The following RNF145 variants were observed in gnomAD, a reference collection of about 807,000 sequenced individuals.
RNF145 encodes ring finger protein 145.
A neutral mutation model predicts 57.3 loss-of-function variants in RNF145; 12 were observed. The ratio of observed to expected loss-of-function variants is 0.21; its 90% CI spans 0.13 to 0.34. The LOEUF (loss-of-function observed/expected upper bound fraction) is 0.34. Ranked by LOEUF, RNF145 falls within the 10% of genes least tolerant of loss-of-function variation. The pLI is 1.00. For synonymous variants in RNF145, 262 were observed against 288.3 expected (o/e 0.91, Z 0.92); for missense variants, 429 against 799.0 (o/e 0.54, Z 5.58).
At chr5:159,163,414 G>A (rs1028108861) in intron 8 of RNF145, among the ~76,000 whole-genome samples, 14 of 152,206 alleles carry the variant, frequency 9.2e-5, no homozygotes, top group Non-Finnish European at 2.9e-5. Context: ...TTAAGACAGG[G>A]AGGGAGTATT....
chr5:159,208,103 C>G (rs531834329), intron 1 of RNF145: 1 of 1,448,616 alleles, frequency 6.9e-7, no homozygotes, highest in Non-Finnish European at 9.0e-7. Flanking sequence ...CTGCACAGGC[C>G]CCTTCCTCTC....
At chr5:159,165,496 A>C (rs1784361828) in intron 8 of RNF145, among the ~76,000 whole-genome samples, 1 of 14,232 alleles carries the variant, frequency 7.0e-5, no homozygotes, top group African/African-American at 1.4e-3. Flanking sequence ...TCCCGGCTAA[A>C]ACGGTGAAAC....
chr5:159,188,867 T>C (rs938505635), intron 3 of RNF145, among the ~76,000 whole-genome samples: 4 of 152,198 alleles, frequency 2.6e-5, no homozygotes, highest in Non-Finnish European at 2.9e-5. Flanking sequence ...CAAAAGTTCA[T>C]GAAATTTTCA....
chr5:159,186,572 C>G (rs905138683), intron 3 of RNF145, among the ~76,000 whole-genome samples: 2 of 152,182 alleles, frequency 1.3e-5, no homozygotes, highest in Non-Finnish European at 2.9e-5. Flanking sequence ...TACAAGAAAT[C>G]TCAGATGTTC....
At chr5:159,187,895 T>G (rs1350092654) in intron 3 of RNF145, among the ~76,000 whole-genome samples, 2 of 152,274 alleles carry the variant, frequency 1.3e-5, no homozygotes, top group Admixed American at 1.3e-4. Context: ...GGAGAGCTGA[T>G]TATCCATAGT....
At chr5:159,169,618 T>A (rs1301849464) in intron 7 of RNF145, 61 bp downstream of exon 7, 39 of 1,336,652 alleles carry the variant, frequency 2.9e-5, no homozygotes, top group Non-Finnish European at 2.0e-6. Context: ...AAATTCATCA[T>A]TACTTCCTCA....
At chr5:159,162,890 C>CA in intron 9 of RNF145, 42 bp downstream of exon 9, 2 of 1,515,874 alleles carry the variant, frequency 1.3e-6, no homozygotes, top group Non-Finnish European at 8.9e-7. Flanking sequence ...GGAAAAATAA[C>CA]AAAATTGGTT....
Position 159,161,427 on chromosome 5 carries a change from T to A in RNF145, c.1465A>T (p.Ile489Phe). 1 of 1,614,102 alleles carries A rather than the reference T, an allele frequency of 6.2e-7. No homozygotes were observed. Among genetic ancestry groups the A allele is most frequent in the Non-Finnish European group, 8.5e-7 (1 of 1,180,008 alleles). Reference protein sequence around the residue: ...FGEWTVMGSMIIFIHSYYNVW... With the variant: ...FGEWTVMGSMFIFIHSYYNVW... The stretch of plus-strand genomic sequence containing the variant: ...TTATAGTAGGAATGAATGAAGATGA[T>A]CATTGAGCCCATCACTGTCCATTCT... The change falls in exon 10 of 11, where the codon ATC becomes TTC. Residue 489 changes from isoleucine (I) to phenylalanine (F), a missense_variant. Ile to Phe is a conservative substitution (Grantham distance 21). This residue lies in a region of RNF145 where 216 missense variants were observed against 457.6 expected (regional missense o/e 0.47). Transcript: ENST00000424310.
chr5:159,196,075 A>T (rs1362200057), intron 2 of RNF145, among the ~76,000 whole-genome samples: 1 of 152,098 alleles, frequency 6.6e-6, no homozygotes, highest in East Asian at 1.9e-4. Context: ...CTGCTCTGCA[A>T]TGCACAGTAT....
chr5:159,196,082 G>C (rs1011762533), intron 2 of RNF145, among the ~76,000 whole-genome samples: 5 of 152,040 alleles, frequency 3.3e-5, no homozygotes, highest in African/African-American at 1.2e-4. Context: ...GCAATGCACA[G>C]TATACTACCA....
chr5:159,173,212 T>C (rs1784610854), intron 6 of RNF145, among the ~76,000 whole-genome samples: 1 of 152,192 alleles, frequency 6.6e-6, no homozygotes, highest in South Asian at 2.1e-4. Flanking sequence ...TTTGTAAACT[T>C]TCTTACAACA....
In RNF145 at chr5:159,169,641, T is replaced by C. The variant is rs756007827; in HGVS notation, c.938+38A>G. ...CATTACTTCCTCAAGTTATCTATAGTATTTACATTTCTAGATATAATCAAG... is the reference window on the plus strand; with the variant it reads ...CATTACTTCCTCAAGTTATCTATAGCATTTACATTTCTAGATATAATCAAG... On this transcript the variant is annotated intron_variant, in intron 7 of 10. Transcript: ENST00000424310. The C allele has an allele frequency of 4.1e-6, 6 of 1,460,942 alleles. No homozygotes were observed. In the South Asian group the frequency reaches 8.2e-5, roughly 20 times the overall value. The allele number at this position is 1,460,942 out of a possible 1,614,324, so 90.5% of individuals were successfully genotyped here.
chr5:159,209,730 G>C, upstream of RNF145: 1 of 1,118,402 alleles, frequency 8.9e-7, no homozygotes, highest in Non-Finnish European at 1.3e-6. Flanking sequence ...GCCCGGCTCG[G>C]GTGGCTATGG....
intron 1 of RNF145, chr5:159,207,463 A>C: frequency 6.7e-7 from 1 of 1,503,320 alleles, no homozygotes; most frequent in Non-Finnish European, 8.9e-7. Context: ...AAAAACAAAA[A>C]TCATCATTCA....
chr5:159,162,835 A>T, intron 9 of RNF145, 97 bp downstream of exon 9: 1 of 888,380 alleles, frequency 1.1e-6, no homozygotes, highest in Non-Finnish European at 1.7e-6. Context: ...TGAATAGTCC[A>T]CTTATAATCA....
chr5:159,179,098 A>C (rs1008322324), intron 4 of RNF145, among the ~76,000 whole-genome samples: 2 of 152,044 alleles, frequency 1.3e-5, no homozygotes, highest in Non-Finnish European at 2.9e-5. Flanking sequence ...GCACAATGTA[A>C]ACTTCCTCTA....
intron 1 of RNF145, chr5:159,207,463 A>G (rs1291316891): frequency 6.0e-6 from 9 of 1,503,200 alleles, no homozygotes; most frequent in Non-Finnish European, 8.1e-6. Context: ...AAAAACAAAA[A>G]TCATCATTCA....
At chr5:159,196,233 T>A (rs917044171) in intron 2 of RNF145, among the ~76,000 whole-genome samples, 1 of 151,662 alleles carries the variant, frequency 6.6e-6, no homozygotes, top group Non-Finnish European at 1.5e-5. Flanking sequence ...TTATGAGTTT[T>A]TTTTTTTTTT....
chr5:159,207,929 C>G, intron 1 of RNF145: 1 of 1,609,576 alleles, frequency 6.2e-7, no homozygotes, highest in Non-Finnish European at 8.5e-7. Context: ...ACTGCAGCAC[C>G]GACAGCTCAT....
Sources: gnomAD v4.1 joint callset for allele counts (sites outside exome capture counted in the v4.1 genomes callset) on GRCh38, gnomAD v4.1.1 for gene constraint, gnomAD v4.1.1 regional missense constraint, MANE v1.5 for transcripts, NCBI Gene and HGNC (gene_info 2026-07-23, HGNC 2026-07-21) for gene names.